Variants in KIAA1217 observed in about 807,000 individuals in gnomAD.
KIAA1217 encodes the protein sickle tail protein homolog.
In KIAA1217, 88 loss-of-function variants were observed where a neutral mutation model predicts 163.9. The observed-to-expected ratio is 0.54, with a 90% CI of 0.45 to 0.64. The LOEUF (loss-of-function observed/expected upper bound fraction) is 0.64. Ranked by LOEUF, KIAA1217 falls within the 30% of genes least tolerant of loss-of-function variation. The pLI is 0.00. For synonymous variants in KIAA1217, 903 were observed against 923.1 expected (o/e 0.98, Z 0.39); for missense variants, 2,372 against 2,475.0 (o/e 0.96, Z 0.88).
intron 3 of KIAA1217, among the ~76,000 whole-genome samples, chr10:24,381,839 TGGA>T (rs1389462434): frequency 1.3e-5 from 2 of 151,932 alleles, no homozygotes; most frequent in African/African-American, 4.8e-5. Flanking sequence ...GGTAGTCCAG[TGGA>T]GGAGATGACA....
Position 24,289,476 on chromosome 10 carries a change from C to T in KIAA1217, c.354+69567C>T, listed in dbSNP as rs185304681. ...GGAGGAGGGATGGAAATATTTTTTC[C>T]ACTGCCAATGATGGAAGATCGCAGT... is the stretch of plus-strand genomic sequence containing the variant. On this transcript the variant is annotated intron_variant, in intron 2 of 20. Coordinates refer to ENST00000376454, the MANE Select transcript of KIAA1217 (RefSeq NM_019590.5). 2.7e-4 allele frequency among the ~76,000 whole-genome samples: 41 copies of T among 152,138 alleles called. 2 individuals carry two copies. The highest frequency in any genetic ancestry group is 9.6e-4 in the African/African-American group (40 of 41,508).
chr10:24,542,532 A>C, intron 17 of KIAA1217, 161 bp from the exon 18 acceptor site: 1 of 1,449,630 alleles, frequency 6.9e-7, no homozygotes, highest in Non-Finnish European at 9.1e-7. Context: ...TGGAGAACAA[A>C]GCAATCCAAG....
intron 2 of KIAA1217, among the ~76,000 whole-genome samples, chr10:24,312,386 C>A (rs879286157): frequency 6.6e-6 from 1 of 150,988 alleles, no homozygotes. Context: ...GAGGCCAAGG[C>A]GGCCGAATCA....
chr10:24,539,353 C>T (rs1468833961), intron 17 of KIAA1217, among the ~76,000 whole-genome samples: 1 of 152,068 alleles, frequency 6.6e-6, no homozygotes, highest in African/African-American at 2.4e-5. Flanking sequence ...CTCAGCCTCC[C>T]GAGTAGCTGG....
intron 2 of KIAA1217, among the ~76,000 whole-genome samples, chr10:24,314,933 G>C (rs918005855): frequency 6.6e-6 from 1 of 151,952 alleles, no homozygotes; most frequent in Non-Finnish European, 1.5e-5. Context: ...GACAGAGCGA[G>C]ACTGTCTCGA....
rs191999570 is a variant in KIAA1217 at position 24,339,376 on chromosome 10, T to C, written c.355-41493T>C. ...TTCATTAGTTATTACTTAATTTCAA[T>C]ATAAAGAAAATTATACTTCTGAGTG... On this transcript the variant is annotated intron_variant, in intron 2 of 20. Transcript: ENST00000376454. 1.2e-4 allele frequency among the ~76,000 whole-genome samples: 18 copies of C among 152,352 alleles called. No individual in the cohort carries two copies. In the East Asian group the frequency reaches 3.5e-3, roughly 29 times the overall value.
chr10:24,543,128 C>G lies in KIAA1217; in HGVS notation c.3858C>G (p.Ile1286Met). The G allele has an allele frequency of 6.2e-7, 1 of 1,613,464 alleles. No homozygotes were observed. The highest frequency in any genetic ancestry group is 8.5e-7 in the Non-Finnish European group (1 of 1,180,000). The change falls in exon 19 of 21, where the codon ATC (isoleucine) becomes ATG (methionine). Residue 1286 changes from isoleucine (I) to methionine (M), a missense_variant. Ile to Met is a conservative substitution (Grantham distance 10). Transcript: ENST00000376454. The part of the protein sequence containing the change: ...LEDEINKGSK[I>M]SGLQYSIPDT... ...ATGAAATAAACAAAGGGTCTAAAAT[C>G]TCAGGCCTGCAATACTCTATACCTG... is the stretch of plus-strand genomic sequence containing the variant.
intron 3 of KIAA1217, among the ~76,000 whole-genome samples, chr10:24,397,638 TG>T (rs2055983018): frequency 1.3e-5 from 2 of 152,324 alleles, no homozygotes; most frequent in South Asian, 4.1e-4. Flanking sequence ...ATTTGGGTTT[TG>T]AAGGATGACT....
intron 6 of KIAA1217, among the ~76,000 whole-genome samples, chr10:24,491,982 A>G (rs2066213589): frequency 6.6e-6 from 1 of 152,120 alleles, no homozygotes; most frequent in Non-Finnish European, 1.5e-5. Context: ...GGATTGAAGA[A>G]AAGCAGTAAA....
chr10:24,529,026 C>T (rs1215725760), intron 14 of KIAA1217, among the ~76,000 whole-genome samples: 1 of 152,056 alleles, frequency 6.6e-6, no homozygotes, highest in Non-Finnish European at 1.5e-5. Flanking sequence ...AAATTATGGA[C>T]CCGGATGTTA....
intron 1 of KIAA1217, among the ~76,000 whole-genome samples, chr10:23,900,764 G>A (rs2131243235): frequency 6.6e-6 from 1 of 152,036 alleles, no homozygotes; most frequent in African/African-American, 2.4e-5. Context: ...TTTAGTGGAG[G>A]GCGAGAAATA....
chr10:23,816,840 C>T (rs569681589), intron 1 of KIAA1217, among the ~76,000 whole-genome samples: 1 of 152,202 alleles, frequency 6.6e-6, no homozygotes, highest in South Asian at 2.1e-4. Flanking sequence ...GGAAATCGGC[C>T]TTTGGGCACT....
chr10:24,113,385 C>T (rs545687695), intron 2 of KIAA1217, among the ~76,000 whole-genome samples: 1 of 152,302 alleles, frequency 6.6e-6, no homozygotes, highest in South Asian at 2.1e-4. Context: ...CATGCAATCT[C>T]AAAAGTGCTA....
chr10:24,430,657 C>A (rs1466082286), intron 3 of KIAA1217, among the ~76,000 whole-genome samples: 3 of 152,148 alleles, frequency 2.0e-5, no homozygotes, highest in Non-Finnish European at 4.4e-5. Flanking sequence ...AGTGACAGAT[C>A]ATCAGGCATG....
chr10:23,953,409 G>A (rs1844425417), intron 1 of KIAA1217, among the ~76,000 whole-genome samples: 1 of 152,198 alleles, frequency 6.6e-6, no homozygotes. Context: ...AAGGAAAGGG[G>A]AAAAGTTCAT....
rs150675837 is a variant in KIAA1217, at chr10:23,787,680, T to C, written c.-321+92446T>C. Among the ~76,000 whole-genome samples, 1,100 of 152,278 alleles carry C rather than the reference T, an allele frequency of 7.2e-3. 19 individuals carry two copies. Among genetic ancestry groups the C allele is most frequent in the African/African-American group, 0.024 (1,015 of 41,550 alleles). On this transcript the variant is annotated intron_variant, in intron 1 of 18. Transcript: ENST00000376462. ...ACAAAACAAAAATCCGCCACAATGCTCAAATTTCTAATTCAATGTGTTACA... is the reference window on the plus strand; with the variant it reads ...ACAAAACAAAAATCCGCCACAATGCCCAAATTTCTAATTCAATGTGTTACA...
chr10:24,366,722 G>A (rs1022843993), intron 2 of KIAA1217, among the ~76,000 whole-genome samples: 14 of 152,182 alleles, frequency 9.2e-5, no homozygotes, highest in African/African-American at 2.4e-5. Flanking sequence ...CCCGGGGCCA[G>A]TGACAATCAA....
At chr10:24,372,459 G>A (rs12249964) in intron 2 of KIAA1217, among the ~76,000 whole-genome samples, 77,230 of 151,790 alleles carry the variant, frequency 0.51, 22,047 homozygotes, top group African/African-American at 0.78. Context: ...AACAAATACT[G>A]GTTTCCAGCT....
chr10:24,500,363 T>C (rs4748948), intron 8 of KIAA1217, among the ~76,000 whole-genome samples: 77,352 of 147,242 alleles, frequency 0.53, 21,156 homozygotes, highest in African/African-American at 0.69. Context: ...TTATTAGTAA[T>C]ATGGATCCAG....
Sources: allele counts gnomAD v4.1 joint callset (sites outside exome capture counted in the v4.1 genomes callset), GRCh38; gene constraint gnomAD v4.1.1; transcripts MANE v1.5; gene names NCBI Gene and HGNC (gene_info 2026-07-23, HGNC 2026-07-21).